Variants in SHOC2 observed in about 807,000 individuals in gnomAD.
SHOC2 encodes SHOC2 leucine rich repeat scaffold protein.
In SHOC2, 4 loss-of-function variants were observed where a neutral mutation model predicts 50.2. The observed-to-expected ratio is 0.08, with a 90% CI of 0.04 to 0.18. SHOC2 has a LOEUF of 0.18. SHOC2 is among the 10% of genes least tolerant of loss of function. The pLI is 1.00. For missense variants in SHOC2, 388 were observed against 669.6 expected (o/e 0.58, Z 4.64); for synonymous variants, 218 against 244.5 (o/e 0.89, Z 1.01).
At chr10:110,974,643 A>G (rs1427451989) in intron 2 of SHOC2, among the ~76,000 whole-genome samples, 6 of 152,044 alleles carry the variant, frequency 3.9e-5, no homozygotes, top group African/African-American at 1.4e-4. Context: ...AACTTTTGGC[A>G]TATTAGTTAC....
intron 3 of SHOC2, chr10:110,989,044 A>G (rs60633872): frequency 0.043 from 21,418 of 503,342 alleles, 637 homozygotes; most frequent in African/African-American, 0.1. Context: ...AAGCTTGACA[A>G]TTTTCCATGA....
chr10:110,931,015 G>A (rs1846886252), intron 1 of SHOC2, among the ~76,000 whole-genome samples: 1 of 151,908 alleles, frequency 6.6e-6, no homozygotes. Flanking sequence ...CTAAACTCTT[G>A]TTTTCCTAGA....
intron 2 of SHOC2, among the ~76,000 whole-genome samples, chr10:110,972,158 A>G (rs1162284009): frequency 6.6e-6 from 1 of 150,860 alleles, no homozygotes; most frequent in Non-Finnish European, 1.5e-5. Flanking sequence ...CTATAACTTT[A>G]TAATATATAA....
intron 1 of SHOC2, among the ~76,000 whole-genome samples, chr10:110,925,357 T>C (rs979008829): frequency 6.6e-6 from 1 of 152,244 alleles, no homozygotes; most frequent in African/African-American, 2.4e-5. Flanking sequence ...AAAAGTTCTC[T>C]GAACTTGAGA....
intron 4 of SHOC2, 122 bp downstream of exon 4, chr10:111,000,667 A>G: frequency 1.2e-6 from 1 of 836,910 alleles, no homozygotes; most frequent in Non-Finnish European, 1.9e-6. Flanking sequence ...AATAATGAGT[A>G]TGCTGTGAAT....
intron 1 of SHOC2, among the ~76,000 whole-genome samples, chr10:110,923,317 G>A (rs1410732551): frequency 1.3e-5 from 2 of 151,972 alleles, no homozygotes; most frequent in Non-Finnish European, 2.9e-5. Context: ...AATCATTACA[G>A]ATTGAAACAT....
intron 3 of SHOC2, among the ~76,000 whole-genome samples, chr10:110,994,839 G>A (rs1386441709): frequency 6.6e-6 from 1 of 152,200 alleles, no homozygotes. Flanking sequence ...TGGGAGGAAT[G>A]CAGAAAGTTG....
chr10:111,003,174 C>T lies in SHOC2; in HGVS notation c.973-1432C>T, dbSNP rs116412900. ...TATATCCTCAATTATATAGTTACTT[C>T]ATTCCTTCAGATGGCTTTGCCAATT... On this transcript the variant is annotated intron_variant, in intron 4 of 8. Transcript: ENST00000369452. Among the ~76,000 whole-genome samples the T allele has an allele frequency of 5.2e-3, 785 of 152,312 alleles. 8 individuals carry two copies. Among genetic ancestry groups the T allele is most frequent in the African/African-American group, 0.018 (752 of 41,576 alleles).
intron 2 of SHOC2, among the ~76,000 whole-genome samples, chr10:110,977,754 C>T (rs771556469): frequency 6.6e-6 from 1 of 152,112 alleles, no homozygotes; most frequent in Non-Finnish European, 1.5e-5. Flanking sequence ...AATTTAACCC[C>T]ACTACTAAGG....
chr10:110,922,452 C>G (rs940212738), intron 1 of SHOC2, among the ~76,000 whole-genome samples: 13 of 151,932 alleles, frequency 8.6e-5, no homozygotes, highest in Non-Finnish European at 1.3e-4. Flanking sequence ...CTTCTTTAAA[C>G]TTCAGATATT....
chr10:111,011,933 A>G lies in SHOC2; in HGVS notation c.*115A>G, dbSNP rs902242330. ...TATATGGCAGATTTATAAAAATTGC[A>G]TTATGTGTTTCTGCTAATAGAGGAA... is the stretch of plus-strand genomic sequence containing the variant. On this transcript the variant is annotated 3_prime_UTR_variant, in exon 9 of 9. Transcript: ENST00000369452. The G allele has an allele frequency of 1.8e-5, 16 of 873,862 alleles. No individual in the cohort carries two copies. The highest frequency in any genetic ancestry group is 1.5e-5 in the South Asian group (1 of 68,142). The allele number at this position is 873,862 out of a possible 1,614,324, so 54.1% of individuals were successfully genotyped here.
At chr10:110,925,647 A>G (rs1846756190) in intron 1 of SHOC2, among the ~76,000 whole-genome samples, 1 of 152,040 alleles carries the variant, frequency 6.6e-6, no homozygotes, top group Non-Finnish European at 1.5e-5. Context: ...TGTAGAGACT[A>G]GCTTTTGCCG....
At chr10:110,941,300 C>T (rs1367432301) in intron 1 of SHOC2, among the ~76,000 whole-genome samples, 1 of 151,284 alleles carries the variant, frequency 6.6e-6, no homozygotes, top group Non-Finnish European at 1.5e-5. Context: ...AGTCTTTGCC[C>T]ATTTTCTGCT....
intron 4 of SHOC2, among the ~76,000 whole-genome samples, chr10:111,002,782 A>AT (rs1564728737): frequency 6.7e-6 from 1 of 149,492 alleles, no homozygotes; most frequent in Non-Finnish European, 1.5e-5. Context: ...ATTCTAACAA[A>AT]AAAAAAAAAA....
At chr10:110,955,946 C>G (rs1230222676) in intron 1 of SHOC2, among the ~76,000 whole-genome samples, 1 of 152,114 alleles carries the variant, frequency 6.6e-6, no homozygotes, top group African/African-American at 2.4e-5. Context: ...ATTTAAAGGT[C>G]ATTGTCATCA....
chr10:110,926,101 G>A (rs1285986960), intron 1 of SHOC2, among the ~76,000 whole-genome samples: 1 of 152,050 alleles, frequency 6.6e-6, no homozygotes, highest in Non-Finnish European at 1.5e-5. Context: ...CCCAGACTTT[G>A]GGAGACCTTC....
At chr10:110,934,779 A>C (rs1382142120) in intron 1 of SHOC2, among the ~76,000 whole-genome samples, 1 of 152,160 alleles carries the variant, frequency 6.6e-6, no homozygotes, top group Non-Finnish European at 1.5e-5. Context: ...GGCATGGTAG[A>C]CCAGAGAACT....
chr10:110,941,079 A>C (rs1244462258), intron 1 of SHOC2, among the ~76,000 whole-genome samples: 1 of 151,810 alleles, frequency 6.6e-6, no homozygotes, highest in Non-Finnish European at 1.5e-5. Context: ...CAACAGGTAC[A>C]TGCCACCATA....
intron 1 of SHOC2, among the ~76,000 whole-genome samples, chr10:110,963,830 C>T (rs2134120192): frequency 6.6e-6 from 1 of 152,258 alleles, no homozygotes; most frequent in South Asian, 2.1e-4. Context: ...ATAGAAAGCA[C>T]TTAATAAATA....
Sources: gnomAD v4.1 joint callset for allele counts (sites outside exome capture counted in the v4.1 genomes callset) on GRCh38, gnomAD v4.1.1 for gene constraint, MANE v1.5 for transcripts, NCBI Gene and HGNC (gene_info 2026-07-23, HGNC 2026-07-21) for gene names.